Variants in COQ8A observed in about 807,000 individuals in gnomAD.
The protein encoded by COQ8A is atypical kinase COQ8A, mitochondrial.
COQ8A carries 51 observed loss-of-function variants against 65.0 expected under a neutral mutation model. The observed-to-expected ratio is 0.78, with a 90% CI of 0.63 to 0.99. The LOEUF is 0.99. Ranked by LOEUF, COQ8A falls within the 50% of genes least tolerant of loss-of-function variation. The pLI is 0.00. For missense variants in COQ8A, 940 were observed against 875.0 expected, an observed-to-expected ratio of 1.07 and a Z score of -0.94; for synonymous variants, 371 against 353.2, an observed-to-expected ratio of 1.05 and a Z score of -0.57.
chr1:226,941,643 C>T (rs916425325), intron 1 of COQ8A, among the ~76,000 whole-genome samples: 5 of 151,528 alleles, frequency 3.3e-5, no homozygotes, highest in African/African-American at 7.3e-5. Context: ...GATGTGGTGG[C>T]GGGCGCCTAT....
intron 4 of COQ8A, among the ~76,000 whole-genome samples, chr1:226,968,572 C>T (rs1057135259): frequency 3.9e-5 from 6 of 152,146 alleles, no homozygotes; most frequent in African/African-American, 7.2e-5. Flanking sequence ...CCTTTCTTCC[C>T]TTCATGGAGG....
At chr1:226,982,653 C>T (rs768583974) in intron 6 of COQ8A, 25 bp from the exon 7 acceptor site, 19 of 1,611,536 alleles carry the variant, frequency 1.2e-5, no homozygotes, top group Non-Finnish European at 1.6e-5. Flanking sequence ...CCAGGTTCGC[C>T]CTGTGTCATT....
chr1:226,967,851 TTG>T (rs1333786012), intron 4 of COQ8A, among the ~76,000 whole-genome samples: 3 of 152,204 alleles, frequency 2.0e-5, no homozygotes, highest in Non-Finnish European at 4.4e-5. Context: ...GATGCTCATG[TTG>T]TTGCCCAAGC....
intron 1 of COQ8A, among the ~76,000 whole-genome samples, chr1:226,944,024 A>G (rs1021536567): frequency 1.3e-5 from 2 of 152,098 alleles, no homozygotes; most frequent in African/African-American, 4.8e-5. Flanking sequence ...GCAGGGAGGC[A>G]GGGGTGTCGA....
chr1:226,977,345 G>A, intron 4 of COQ8A, 104 bp from the exon 5 acceptor site: 1 of 1,090,500 alleles, frequency 9.2e-7, no homozygotes, highest in Non-Finnish European at 1.3e-6. Flanking sequence ...AGGGCCCCTG[G>A]TGCAAGCGGT....
intron 1 of COQ8A, among the ~76,000 whole-genome samples, chr1:226,950,844 A>G (rs1657330439): frequency 6.6e-6 from 1 of 152,196 alleles, no homozygotes; most frequent in Non-Finnish European, 1.5e-5. Flanking sequence ...ACAAGAATGT[A>G]TAATTTTTAA....
intron 4 of COQ8A, among the ~76,000 whole-genome samples, chr1:226,968,292 G>A (rs577661112): frequency 1.8e-4 from 28 of 152,222 alleles, no homozygotes; most frequent in Middle Eastern, 3.4e-3. Flanking sequence ...CTGAGATTGC[G>A]CCACTGCACT....
rs7530213 is a variant in COQ8A, at chr1:226,984,257, G to C, written c.1398+22G>C. 0.29 allele frequency: 470,906 copies of C among 1,612,258 alleles called. 72,730 individuals carry two copies. The highest frequency in any genetic ancestry group is 0.32 in the Non-Finnish European group (383,288 of 1,179,654). On this transcript the variant is annotated intron_variant, in intron 11 of 14. Coordinates refer to ENST00000366777, the MANE Select transcript of COQ8A (RefSeq NM_020247.5). Reference sequence around the variant, plus strand: ...CGAGGTTTGTCTGTGCCAGCAGACAGGTGGGGCCAGGGTGGCCCTGCTGTG... The same window carrying C: ...CGAGGTTTGTCTGTGCCAGCAGACACGTGGGGCCAGGGTGGCCCTGCTGTG...
intron 2 of COQ8A, among the ~76,000 whole-genome samples, chr1:226,962,340 C>G (rs1658301854): frequency 6.6e-6 from 1 of 152,162 alleles, no homozygotes; most frequent in African/African-American, 2.4e-5. Context: ...TCCAGGAAGC[C>G]TTGATGTCTT....
chr1:226,947,892 C>T (rs559145348), intron 1 of COQ8A, among the ~76,000 whole-genome samples: 2 of 152,242 alleles, frequency 1.3e-5, no homozygotes, highest in South Asian at 2.1e-4. Context: ...AACAGGAATG[C>T]ACTGAGCTGT....
At chr1:226,955,468 C>CCCA in intron 1 of COQ8A, among the ~76,000 whole-genome samples, 1 of 147,058 alleles carries the variant, frequency 6.8e-6, no homozygotes, top group African/African-American at 2.5e-5. Context: ...CTCCCTGGCT[C>CCCA]CTACTCTCCC....
rs572931819 is a variant in COQ8A at position 226,978,745 on chromosome 1, T to G, written c.730+1222T>G. The stretch of plus-strand genomic sequence containing the variant: ...ACCCACCTCATACCTGCACACCTCC[T>G]TACACACCCACCTCACACCCGCATA... On this transcript the variant is annotated intron_variant, in intron 5 of 14. Coordinates refer to ENST00000366777, the MANE Select transcript of COQ8A (RefSeq NM_020247.5). Among the ~76,000 whole-genome samples, 168 of 64,818 alleles carry G rather than the reference T, an allele frequency of 2.6e-3. 13 individuals are homozygous for G. Among genetic ancestry groups the G allele is most frequent in the African/African-American group, 6.5e-3 (153 of 23,626 alleles). The allele number at this position is 64,818 out of a possible 152,430, so 42.5% of individuals were successfully genotyped here.
At chr1:226,956,430 A>G (rs1218281247) in intron 1 of COQ8A, among the ~76,000 whole-genome samples, 1 of 116,380 alleles carries the variant, frequency 8.6e-6, no homozygotes, top group African/African-American at 3.7e-5. Context: ...CCTGATTCAC[A>G]CTCTCCCTGG....
chr1:226,980,266 C>A (rs1659606765), intron 5 of COQ8A, among the ~76,000 whole-genome samples: 1 of 152,248 alleles, frequency 6.6e-6, no homozygotes, highest in African/African-American at 2.4e-5. Context: ...CACAGCCAGC[C>A]CTGCCTGGGT....
In COQ8A at chr1:226,946,619, T is replaced by G. The variant is rs985971632; in HGVS notation, c.-10+6220T>G. Among the ~76,000 whole-genome samples, 71 of 152,152 alleles carry G rather than the reference T, an allele frequency of 4.7e-4. No individual in the cohort carries two copies. Among genetic ancestry groups the G allele is most frequent in the African/African-American group, 1.7e-3 (69 of 41,416 alleles). ...TCTCATTTCTCGTTGCGTGTGTGGTTGTTGTCTGTCTAGGATTGCCCCTTG... is the reference window on the plus strand; with the variant it reads ...TCTCATTTCTCGTTGCGTGTGTGGTGGTTGTCTGTCTAGGATTGCCCCTTG... On this transcript the variant is annotated intron_variant, in intron 1 of 14. Transcript: ENST00000366777. This position sits in a 1 kb window ranked among gnomAD's most constrained non-coding sequence, Gnocchi z 5.3.
chr1:226,942,052 G>A (rs1382762408), intron 1 of COQ8A, among the ~76,000 whole-genome samples: 2 of 152,052 alleles, frequency 1.3e-5, no homozygotes, highest in African/African-American at 4.8e-5. Flanking sequence ...CCTGGCTTCT[G>A]TCTACTAGAC....
At chr1:226,959,887 A>G (rs1398688976) in intron 1 of COQ8A, among the ~76,000 whole-genome samples, 14 of 152,254 alleles carry the variant, frequency 9.2e-5, no homozygotes, top group Admixed American at 7.8e-4. Context: ...GATGGCTTAT[A>G]TATTTGCCAC....
intron 6 of COQ8A, chr1:226,982,368 A>C (rs1400048863): frequency 2.9e-6 from 2 of 692,200 alleles, no homozygotes; most frequent in Non-Finnish European, 4.8e-6. Flanking sequence ...TGCTCTCTAC[A>C]GGTGGTCAGA....
intron 4 of COQ8A, among the ~76,000 whole-genome samples, chr1:226,973,554 A>G (rs75480262): frequency 0.042 from 6,332 of 152,264 alleles, 424 homozygotes; most frequent in African/African-American, 0.14. Context: ...AGTTCTGGGA[A>G]CAGAGGGACA....
Sources: allele counts gnomAD v4.1 joint callset (sites outside exome capture counted in the v4.1 genomes callset), GRCh38; gene constraint gnomAD v4.1.1; non-coding constraint Gnocchi (gnomAD v3.1); transcripts MANE v1.5; gene names NCBI Gene and HGNC (gene_info 2026-07-23, HGNC 2026-07-21).